The following FZD3 variants were observed in gnomAD, a reference collection of about 807,000 sequenced individuals.
The protein encoded by FZD3 is frizzled class receptor 3.
FZD3 carries 30 observed loss-of-function variants against 60.7 expected under a neutral mutation model. That is an observed-to-expected ratio of 0.49 (90% CI 0.37 to 0.67). The LOEUF is 0.67. Among genes scored for constraint, FZD3 ranks in the 30% least tolerant of loss-of-function variants. The probability of loss-of-function intolerance (pLI) is 0.00; values close to 1 mark genes in which losing one functional copy is unlikely to be tolerated. For synonymous variants in FZD3, 246 were observed against 275.2 expected (o/e 0.89, Z 1.05); for missense variants, 605 against 838.7 (o/e 0.72, Z 3.44).
rs1185227400 is a variant in FZD3, at chr8:28,571,395, C to CTGAG, written c.*8385_*8388dup. On this transcript the variant is annotated 3_prime_UTR_variant, in exon 8 of 8. Transcript: ENST00000240093. ...CAACACAGTAGTTCTTTACATTGAG[C>CTGAG]TGAGGTGAATGTATACTTAAAAATA... The CTGAG allele has an allele frequency of 6.6e-6, 1 of 152,098 alleles. No individual in the cohort carries two copies. Among genetic ancestry groups the CTGAG allele is most frequent in the Non-Finnish European group, 1.5e-5 (1 of 68,008 alleles). The allele number at this position is 152,098 out of a possible 1,614,324, so 9.4% of individuals were successfully genotyped here.
At chr8:28,528,502 A>G (rs1804778742) in intron 5 of FZD3, among the ~76,000 whole-genome samples, 2 of 151,842 alleles carry the variant, frequency 1.3e-5, no homozygotes, top group Non-Finnish European at 2.9e-5. Context: ...TGGGAATTTT[A>G]CTGATGCTCA....
intron 3 of FZD3, among the ~76,000 whole-genome samples, chr8:28,509,490 A>G (rs1040865391): frequency 1.3e-5 from 2 of 152,084 alleles, no homozygotes; most frequent in Admixed American, 6.6e-5. Flanking sequence ...TTGTGGTAAG[A>G]TATGCATAAT....
In FZD3 at chr8:28,555,883, A is replaced by G. The variant is rs891239045; in HGVS notation, c.1699A>G (p.Met567Val). Residue 567 changes from methionine (M) to valine (V), a missense_variant, in exon 7 of 8, where the codon ATG becomes GTG. By Grantham distance (21) the Met-to-Val change is conservative. Coordinates refer to ENST00000240093, the MANE Select transcript of FZD3 (RefSeq NM_017412.4). ...CCATGCTTCTTCAACTCAGCTGGCT[A>G]TGGTGGATGATCAAAGAAGCAAAGC... Reference protein sequence around the residue: ...STHASSTQLAMVDDQRSKAGS... With the variant: ...STHASSTQLAVVDDQRSKAGS... 1.5e-5 allele frequency: 25 copies of G among 1,613,956 alleles called. No individual in the cohort carries two copies. Among genetic ancestry groups the G allele is most frequent in the Admixed American group, 1.2e-4 (7 of 60,004 alleles).
At chr8:28,541,559 C>T (rs1805166153) in intron 5 of FZD3, among the ~76,000 whole-genome samples, 1 of 152,220 alleles carries the variant, frequency 6.6e-6, no homozygotes, top group African/African-American at 2.4e-5. Flanking sequence ...TAGGGTTTCT[C>T]TCCTAGGCTC....
chr8:28,515,201 T>A (rs1804391882), intron 3 of FZD3, among the ~76,000 whole-genome samples: 1 of 152,226 alleles, frequency 6.6e-6, no homozygotes. Context: ...CATTGGAATG[T>A]ATCCAAGTCA....
chr8:28,539,323 A>C (rs1023025024), intron 5 of FZD3, among the ~76,000 whole-genome samples: 4 of 152,208 alleles, frequency 2.6e-5, no homozygotes, highest in African/African-American at 9.6e-5. Context: ...TGACTAGTTC[A>C]TCTTTTCTCC....
rs1331785512 is a variant in FZD3 at position 28,502,869 on chromosome 8, G to A, written c.-145G>A. ...GAGACCAAGCTAACAAACCTCTGAC[G>A]GTGCGAAGAGTATTTAACTGTTTGA... On this transcript the variant is annotated 5_prime_UTR_variant, in exon 3 of 8. Coordinates refer to ENST00000240093, the MANE Select transcript of FZD3 (RefSeq NM_017412.4). The A allele has an allele frequency of 1.5e-5, 7 of 471,538 alleles. No individual in the cohort carries two copies. The highest frequency in any genetic ancestry group is 9.9e-5 in the African/African-American group (5 of 50,386). 29.2% of individuals were successfully genotyped at this position (471,538 alleles called of 1,614,324 possible).
At chr8:28,515,678 T>C (rs1306749561) in intron 3 of FZD3, among the ~76,000 whole-genome samples, 1 of 152,218 alleles carries the variant, frequency 6.6e-6, no homozygotes, top group Non-Finnish European at 1.5e-5. Context: ...CTGTTTTGCC[T>C]CTTAGCATGT....
In FZD3 at chr8:28,521,725, GTATC is replaced by G. The variant is rs370448064; in HGVS notation, c.386+899_386+902del. Among the ~76,000 whole-genome samples the G allele has an allele frequency of 1.4e-4, 22 of 152,134 alleles. 1 individual carries two copies. In the East Asian group the frequency reaches 1.9e-3, roughly 13 times the overall value. On this transcript the variant is annotated intron_variant, in intron 4 of 7. Coordinates refer to ENST00000240093, the MANE Select transcript of FZD3 (RefSeq NM_017412.4). ...CATAAACAATACAGCTTTTTTGTAT[GTATC>G]TATCTATGTTTGTACCTGTAACCTG...
Position 28,498,304 on chromosome 8 carries a change from A to G in FZD3, c.-390-1629A>G, listed in dbSNP as rs149183262. Among the ~76,000 whole-genome samples the G allele has an allele frequency of 4.3e-4, 64 of 149,914 alleles. 2 individuals carry two copies. In the East Asian group the frequency reaches 0.01, roughly 24 times the overall value. Reference sequence around the variant, plus strand: ...CCCCCCCTTTTTTTTTCCAGTTGATATACTACAGTTTCTTATAATAAAAAA... The same window carrying G: ...CCCCCCCTTTTTTTTTCCAGTTGATGTACTACAGTTTCTTATAATAAAAAA... On this transcript the variant is annotated intron_variant, in intron 1 of 7. Transcript: ENST00000240093.
chr8:28,557,893 A>C (rs1423797373), intron 7 of FZD3, among the ~76,000 whole-genome samples: 1 of 152,242 alleles, frequency 6.6e-6, no homozygotes, highest in African/African-American at 2.4e-5. Flanking sequence ...GTATAGTAAA[A>C]ATATGTACAG....
intron 4 of FZD3, among the ~76,000 whole-genome samples, chr8:28,526,228 G>A (rs991122167): frequency 3.6e-4 from 54 of 151,930 alleles, no homozygotes; most frequent in African/African-American, 1.3e-3. Flanking sequence ...TTTCTGCAAC[G>A]TGCTTACCTC....
chr8:28,535,035 A>G (rs1804973437), intron 5 of FZD3, among the ~76,000 whole-genome samples: 1 of 152,248 alleles, frequency 6.6e-6, no homozygotes, highest in Non-Finnish European at 1.5e-5. Context: ...CTTAACAGTT[A>G]TCTCTCACAT....
chr8:28,536,100 T>C (rs1805004547), intron 5 of FZD3, among the ~76,000 whole-genome samples: 1 of 152,228 alleles, frequency 6.6e-6, no homozygotes. Context: ...TTGCACAAAG[T>C]AAAATTTCGA....
In FZD3 at chr8:28,563,651, G is replaced by A. The variant is rs1442245029; in HGVS notation, c.*640G>A. 2.0e-5 allele frequency: 3 copies of A among 152,248 alleles called. No individual in the cohort carries two copies. Among genetic ancestry groups the A allele is most frequent in the Non-Finnish European group, 4.4e-5 (3 of 68,070 alleles). The allele number at this position is 152,248 out of a possible 1,614,324, so 9.4% of individuals were successfully genotyped here. On this transcript the variant is annotated 3_prime_UTR_variant, in exon 8 of 8. Coordinates refer to ENST00000240093, the MANE Select transcript of FZD3 (RefSeq NM_017412.4). ...GAGATATTCAGGGTTTGGATTAGCA[G>A]TGGAATAAAGAGATGGGCATTGTTT...
At chr8:28,506,939 A>T (rs1397590703) in intron 3 of FZD3, among the ~76,000 whole-genome samples, 2 of 152,238 alleles carry the variant, frequency 1.3e-5, no homozygotes, top group Non-Finnish European at 2.9e-5. Flanking sequence ...CTTAAACATT[A>T]CCAACTCATA....
rs376847602 is a variant in FZD3 at position 28,527,111 on chromosome 8, A to G, written c.387-36A>G. 89 of 1,537,098 alleles carry G rather than the reference A, an allele frequency of 5.8e-5. No individual in the cohort carries two copies. Among genetic ancestry groups the G allele is most frequent in the Non-Finnish European group, 7.5e-5 (85 of 1,135,250 alleles). ...GTTAGATCGTGATAGATTTCCCCAT[A>G]AGTAAAAATAGTTCTCATCTTGTTT... is the stretch of plus-strand genomic sequence containing the variant. On this transcript the variant is annotated intron_variant, in intron 4 of 7. Coordinates refer to ENST00000240093, the MANE Select transcript of FZD3 (RefSeq NM_017412.4). The surrounding 1 kb of genome is among the most constrained non-coding windows in gnomAD (Gnocchi z 5.0).
At chr8:28,496,445 G>GT (rs372114479) in intron 1 of FZD3, among the ~76,000 whole-genome samples, 72 of 151,560 alleles carry the variant, frequency 4.8e-4, no homozygotes, top group African/African-American at 1.5e-3. Context: ...GTTCTTTTTG[G>GT]TTTTTTTTGT....
chr8:28,555,637 G>A, intron 6 of FZD3, 101 bp from the exon 7 acceptor site: 2 of 723,494 alleles, frequency 2.8e-6, no homozygotes, highest in South Asian at 1.7e-5. Flanking sequence ...AATTTGGCAA[G>A]CAATTAATTT....
Sources: allele counts gnomAD v4.1 joint callset (sites outside exome capture counted in the v4.1 genomes callset), GRCh38; gene constraint gnomAD v4.1.1; non-coding constraint Gnocchi (gnomAD v3.1); transcripts MANE v1.5; gene names NCBI Gene and HGNC (gene_info 2026-07-23, HGNC 2026-07-21).